ZNF697: variants seen among roughly 807,000 people sequenced by gnomAD.
ZNF697 encodes the protein zinc finger protein 697.
In ZNF697, 23 loss-of-function variants were observed where a neutral mutation model predicts 32.4. That is an observed-to-expected ratio of 0.71 (90% CI 0.51 to 1.01). The LOEUF is 1.01. Among genes scored for constraint, ZNF697 ranks in the 50% least tolerant of loss-of-function variants. The pLI is 0.00. For missense variants in ZNF697, 930 were observed against 794.0 expected (o/e 1.17, Z -2.06); for synonymous variants, 418 against 337.2 (o/e 1.24, Z -2.62).
rs907532142 is a variant in ZNF697 at position 119,619,705 on chromosome 1, A to G, written c.*3000T>C. On this transcript the variant is annotated 3_prime_UTR_variant, in exon 3 of 3. Coordinates refer to ENST00000421812, the MANE Select transcript of ZNF697 (RefSeq NM_001080470.2). ...AGGTCCTTAATTTGTATTTTTTCAC[A>G]TATGTACAGTCTCTTGATTGTAAAG... 2.0e-5 allele frequency: 3 copies of G among 152,678 alleles called. No homozygotes were observed. The highest frequency in any genetic ancestry group is 7.2e-5 in the African/African-American group (3 of 41,466). The allele number at this position is 152,678 out of a possible 1,614,324, so 9.5% of individuals were successfully genotyped here.
rs1648347219 is a variant in ZNF697, at chr1:119,622,210, C to G, written c.*495G>C. The G allele has an allele frequency of 6.5e-6, 1 of 154,214 alleles. No individual in the cohort carries two copies. Among genetic ancestry groups the G allele is most frequent in the African/African-American group, 2.4e-5 (1 of 41,412 alleles). The allele number at this position is 154,214 out of a possible 1,614,324, so 9.6% of individuals were successfully genotyped here. On this transcript the variant is annotated 3_prime_UTR_variant, in exon 3 of 3. Coordinates refer to ENST00000421812, the MANE Select transcript of ZNF697 (RefSeq NM_001080470.2). Reference sequence around the variant, plus strand: ...CTATGTGACTGACAAGGTTCCCCTACTTTTTGTGAGACAACAGGTGATGTG... The same window carrying G: ...CTATGTGACTGACAAGGTTCCCCTAGTTTTTGTGAGACAACAGGTGATGTG...
intron 2 of ZNF697, among the ~76,000 whole-genome samples, chr1:119,625,460 TGAG>T (rs1487090065): frequency 9.2e-5 from 14 of 152,272 alleles, no homozygotes; most frequent in Middle Eastern, 6.8e-3. Flanking sequence ...CAAAGGGAGA[TGAG>T]GACGTAACTG....
intron 1 of ZNF697, among the ~76,000 whole-genome samples, chr1:119,638,466 G>C (rs1478800463): frequency 6.6e-6 from 1 of 152,184 alleles, no homozygotes; most frequent in Non-Finnish European, 1.5e-5. Flanking sequence ...TTTAATAGGA[G>C]TTCAGTAAAT....
chr1:119,628,175 C>CT lies in ZNF697; in HGVS notation c.-37-2039_-37-2038insA, dbSNP rs201632895. Among the ~76,000 whole-genome samples, 190 of 152,166 alleles carry CT rather than the reference C, an allele frequency of 1.2e-3. 3 individuals carry two copies. In the East Asian group the frequency reaches 0.033, roughly 26 times the overall value. On this transcript the variant is annotated intron_variant, in intron 1 of 2. Coordinates refer to ENST00000421812, the MANE Select transcript of ZNF697 (RefSeq NM_001080470.2). Reference sequence around the variant, plus strand: ...TCAAATAAGCATGTCATCAGAATCTCATAAAACTAAAATAGCAGAGGTACA... The same window carrying CT: ...TCAAATAAGCATGTCATCAGAATCTCTATAAAACTAAAATAGCAGAGGTACA...
chr1:119,622,914 A>G lies in ZNF697; in HGVS notation c.1429T>C (p.Phe477Leu). 1 of 1,599,870 alleles carries G rather than the reference A, an allele frequency of 6.3e-7. No individual in the cohort carries two copies. Among genetic ancestry groups the G allele is most frequent in the Non-Finnish European group, 8.5e-7 (1 of 1,174,542 alleles). Residue 477 changes from phenylalanine to leucine, a missense_variant, in exon 3 of 3, where the codon TTC (phenylalanine) becomes CTC (leucine). Phe to Leu is a conservative substitution (Grantham distance 22). Coordinates refer to ENST00000421812, the MANE Select transcript of ZNF697 (RefSeq NM_001080470.2). ...CGQCEKRFSD[F>L]STLTQHQRTH... The stretch of plus-strand genomic sequence containing the variant: ...CGCTGGTGCTGCGTGAGCGTGGAGA[A>G]GTCGCTGAAGCGCTTCTCGCACTGG...
intron 1 of ZNF697, among the ~76,000 whole-genome samples, chr1:119,645,822 T>C (rs149534431): frequency 6.6e-6 from 1 of 152,284 alleles, no homozygotes; most frequent in African/African-American, 2.4e-5. Context: ...GAAAAGCCCA[T>C]ATGGTACTGA....
At chr1:119,646,926 G>C (rs1291722734) in intron 1 of ZNF697, among the ~76,000 whole-genome samples, 2 of 152,112 alleles carry the variant, frequency 1.3e-5, no homozygotes, top group African/African-American at 4.8e-5. Flanking sequence ...CAGTCTTGAG[G>C]GAGGAGGGTA....
At chr1:119,627,129 GC>G (rs1648613663) in intron 1 of ZNF697, among the ~76,000 whole-genome samples, 1 of 152,254 alleles carries the variant, frequency 6.6e-6, no homozygotes, top group Non-Finnish European at 1.5e-5. Context: ...GCTCCAGGCA[GC>G]CAAACAGTTT....
intron 1 of ZNF697, among the ~76,000 whole-genome samples, chr1:119,641,275 C>T (rs1649063823): frequency 6.6e-6 from 1 of 152,064 alleles, no homozygotes; most frequent in Non-Finnish European, 1.5e-5. Flanking sequence ...GTGTGTCTTC[C>T]AGTTAATTTC....
chr1:119,624,195 A>G, intron 2 of ZNF697, 79 bp from the exon 3 acceptor site: 1 of 1,455,462 alleles, frequency 6.9e-7, no homozygotes, highest in Non-Finnish European at 9.1e-7. Flanking sequence ...CCTCAGTAAT[A>G]AAACTGTGAT....
At chr1:119,629,952 C>T (rs891052956) in intron 1 of ZNF697, among the ~76,000 whole-genome samples, 2 of 152,190 alleles carry the variant, frequency 1.3e-5, no homozygotes, top group African/African-American at 4.8e-5. Flanking sequence ...GATTGCCCAT[C>T]CTGTAAACAG....
At chr1:119,642,210 T>C (rs1570949585) in intron 1 of ZNF697, among the ~76,000 whole-genome samples, 1 of 152,264 alleles carries the variant, frequency 6.6e-6, no homozygotes, top group East Asian at 1.9e-4. Context: ...TGCCAGAAGT[T>C]AGGGGAAGGG....
intron 1 of ZNF697, among the ~76,000 whole-genome samples, chr1:119,641,219 A>G (rs1393709739): frequency 6.6e-6 from 1 of 152,206 alleles, no homozygotes; most frequent in African/African-American, 2.4e-5. Flanking sequence ...CAGTCTGGTT[A>G]AATTCAACTG....
At chr1:119,645,140 T>A (rs915398546) in intron 1 of ZNF697, among the ~76,000 whole-genome samples, 2 of 152,216 alleles carry the variant, frequency 1.3e-5, no homozygotes, top group Non-Finnish European at 2.9e-5. Context: ...TACTAGACAC[T>A]GTGATAGGTA....
In ZNF697 at chr1:119,626,017, C is replaced by T; in HGVS notation, c.84G>A (p.Glu28=). The part of the protein sequence containing the change: ...KGMGSDFEDS[E]DREGDPEERE... ...TTTCTTCTGGGTCCCCTTCCCTGTC[C>T]TCAGAGTCCTCAAAATCAGAACCCA... The change falls in exon 2 of 3, where the codon GAG becomes GAA. Residue 28 remains glutamate, a synonymous_variant. Coordinates refer to ENST00000421812, the MANE Select transcript of ZNF697 (RefSeq NM_001080470.2). 6.2e-7 allele frequency: 1 copy of T among 1,613,974 alleles called. No individual in the cohort carries two copies. The highest frequency in any genetic ancestry group is 8.5e-7 in the Non-Finnish European group (1 of 1,179,892).
chr1:119,631,359 C>T (rs989247110), intron 1 of ZNF697, among the ~76,000 whole-genome samples: 31 of 152,242 alleles, frequency 2.0e-4, no homozygotes, highest in Non-Finnish European at 2.9e-5. Flanking sequence ...CAGGGTGACC[C>T]GTTTGACGTG....
rs370730519 is a variant in ZNF697 at position 119,622,926 on chromosome 1, G to A, written c.1417C>T (p.Arg473Cys). The change falls in exon 3 of 3, where the codon CGC (arginine) becomes TGC (cysteine). Residue 473 changes from arginine (R) to cysteine (C), a missense_variant. Coordinates refer to ENST00000421812, the MANE Select transcript of ZNF697 (RefSeq NM_001080470.2). ...KPFRCGQCEK[R>C]FSDFSTLTQH... is the part of the protein sequence containing the mutation. ...GTGAGCGTGGAGAAGTCGCTGAAGC[G>A]CTTCTCGCACTGGCCACAGCGGAAG... The A allele has an allele frequency of 6.2e-7, 1 of 1,607,158 alleles. No homozygotes were observed. Among genetic ancestry groups the A allele is most frequent in the Non-Finnish European group, 8.5e-7 (1 of 1,176,964 alleles).
chr1:119,635,942 T>A (rs147127317), intron 1 of ZNF697, among the ~76,000 whole-genome samples: 28 of 151,926 alleles, frequency 1.8e-4, no homozygotes, highest in Non-Finnish European at 3.8e-4. Context: ...ACATGAGAAC[T>A]GAAAGCTCAC....
rs964117668 is a variant in ZNF697, at chr1:119,623,598, C to T, written c.745G>A (p.Gly249Arg). 26 of 1,431,764 alleles carry T rather than the reference C, an allele frequency of 1.8e-5. No individual in the cohort carries two copies. Among genetic ancestry groups the T allele is most frequent in the East Asian group, 8.3e-5 (3 of 35,980 alleles). The allele number at this position is 1,431,764 out of a possible 1,614,324, so 88.7% of individuals were successfully genotyped here. A position where few individuals can be genotyped will look rare whatever the true frequency, so the allele number is the denominator to read the frequency against. ...CGCGGGGGCCGGGCCAGCGGGGGCC[C>T]GGCCCCGAAGCCCCCCGCCACACCC... Reference protein sequence around the residue: ...GVGVAGGFGAGPPLARPPREK... With the variant: ...GVGVAGGFGARPPLARPPREK... The change falls in exon 3 of 3, where the codon GGG (glycine) becomes AGG (arginine). Residue 249 changes from glycine (G) to arginine (R), a missense_variant. Coordinates refer to ENST00000421812, the MANE Select transcript of ZNF697 (RefSeq NM_001080470.2).
Sources: allele counts gnomAD v4.1 joint callset (sites outside exome capture counted in the v4.1 genomes callset), GRCh38; gene constraint gnomAD v4.1.1; transcripts MANE v1.5; gene names NCBI Gene and HGNC (gene_info 2026-07-23, HGNC 2026-07-21).